SLC9A9: variants seen among roughly 807,000 people sequenced by gnomAD.
SLC9A9 encodes sodium/hydrogen exchanger 9.
A neutral mutation model predicts 77.8 loss-of-function variants in SLC9A9; 62 were observed. That is an observed-to-expected ratio of 0.80 (90% CI 0.65 to 0.98). The LOEUF is 0.98. Among genes scored for constraint, SLC9A9 ranks in the 50% least tolerant of loss-of-function variants. The probability of loss-of-function intolerance (pLI) is 0.00; values close to 1 mark genes in which losing one functional copy is unlikely to be tolerated. For synonymous variants in SLC9A9, 320 were observed against 283.5 expected, an observed-to-expected ratio of 1.13 and a Z score of -1.29; for missense variants, 775 against 774.9, an observed-to-expected ratio of 1.00 and a Z score of 0.00.
intron 12 of SLC9A9, among the ~76,000 whole-genome samples, chr3:143,446,671 C>A (rs2034849196): frequency 6.6e-6 from 1 of 152,246 alleles, no homozygotes; most frequent in African/African-American, 2.4e-5. Flanking sequence ...GGGGTGTGAT[C>A]TATCAGGATG....
chr3:143,415,780 T>A (rs1311903194), intron 12 of SLC9A9, among the ~76,000 whole-genome samples: 1 of 152,362 alleles, frequency 6.6e-6, no homozygotes, highest in Admixed American at 6.5e-5. Flanking sequence ...TTCATAAGGC[T>A]ATAGCTGCCA....
intron 4 of SLC9A9, among the ~76,000 whole-genome samples, chr3:143,705,039 C>CTATCTATCTATCTATA (rs1327278120): frequency 1.3e-4 from 4 of 31,084 alleles, no homozygotes; most frequent in African/African-American, 4.3e-4. Context: ...ATCTATCTAT[C>CTATCTATCTATCTATA]TATATAGATA....
intron 14 of SLC9A9, among the ~76,000 whole-genome samples, chr3:143,287,339 A>G (rs1938408063): frequency 6.6e-6 from 1 of 152,186 alleles, no homozygotes; most frequent in African/African-American, 2.4e-5. Context: ...GATTTATTTG[A>G]TGACTCGAAA....
At chr3:143,541,541 T>G (rs180767123) in intron 9 of SLC9A9, among the ~76,000 whole-genome samples, 3 of 152,260 alleles carry the variant, frequency 2.0e-5, no homozygotes, top group African/African-American at 7.2e-5. Flanking sequence ...AATTTGGGAG[T>G]AATTTGTTAC....
chr3:143,829,369 C>A (rs190924235), intron 2 of SLC9A9, among the ~76,000 whole-genome samples: 1 of 152,056 alleles, frequency 6.6e-6, no homozygotes, highest in Admixed American at 6.6e-5. Context: ...TTCATGAAGC[C>A]CTCTTCAATT....
chr3:143,605,442 C>A (rs2037905267), intron 6 of SLC9A9, among the ~76,000 whole-genome samples: 1 of 152,250 alleles, frequency 6.6e-6, no homozygotes, highest in Non-Finnish European at 1.5e-5. Context: ...GCTATTCCCA[C>A]ACACTGGCAC....
intron 14 of SLC9A9, among the ~76,000 whole-genome samples, chr3:143,352,559 G>A (rs1021203555): frequency 2.3e-4 from 31 of 132,928 alleles, no homozygotes; most frequent in Admixed American, 2.0e-3. Context: ...TGAAATACTA[G>A]AAGACAAGCT....
chr3:143,826,314 C>T (rs1203454719), intron 2 of SLC9A9, among the ~76,000 whole-genome samples: 1 of 151,416 alleles, frequency 6.6e-6, no homozygotes, highest in Non-Finnish European at 1.5e-5. Context: ...TACAAATCAA[C>T]TCCTTCTTCT....
At chr3:143,607,846 A>G (rs2037953555) in intron 6 of SLC9A9, among the ~76,000 whole-genome samples, 1 of 151,804 alleles carries the variant, frequency 6.6e-6, no homozygotes, top group African/African-American at 2.4e-5. Context: ...AATGTTTGGC[A>G]TGTGATTTAT....
At chr3:143,402,617 T>G (rs182101782) in intron 12 of SLC9A9, among the ~76,000 whole-genome samples, 57 of 152,192 alleles carry the variant, frequency 3.7e-4, no homozygotes, top group African/African-American at 1.2e-3. Context: ...AAAGTGTTCC[T>G]TTTCATCTCT....
At chr3:143,642,207 C>T (rs570360863) in intron 6 of SLC9A9, among the ~76,000 whole-genome samples, 1 of 152,324 alleles carries the variant, frequency 6.6e-6, no homozygotes, top group South Asian at 2.1e-4. Flanking sequence ...AGCAGCTAAG[C>T]AGCTATTGTT....
intron 6 of SLC9A9, among the ~76,000 whole-genome samples, chr3:143,591,002 T>C (rs1053764584): frequency 6.6e-6 from 1 of 152,206 alleles, no homozygotes; most frequent in Non-Finnish European, 1.5e-5. Context: ...GGAGTCTTCA[T>C]AGACAATGGG....
chr3:143,328,593 C>G (rs373707688), intron 14 of SLC9A9, among the ~76,000 whole-genome samples: 3 of 152,192 alleles, frequency 2.0e-5, no homozygotes, highest in African/African-American at 7.2e-5. Context: ...GCAATGCCAT[C>G]CCCTTTATCA....
chr3:143,797,056 A>G (rs2008404925), intron 2 of SLC9A9, 153 bp from the exon 3 acceptor site: 3 of 607,628 alleles, frequency 4.9e-6, no homozygotes, highest in African/African-American at 1.9e-5. Flanking sequence ...AAAAAATGAA[A>G]ATTTGGAAAT....
At position 143,540,562 on chromosome 3, in the gene SLC9A9, C is replaced by T. The variant is rs952015160; in HGVS notation, c.1089+11800G>A. ...ATGGATTAGTGATAAAAGGATAAAA[C>T]AATAGAATGCATAAATAAATTGAAA... On this transcript the variant is annotated intron_variant, in intron 9 of 15. Coordinates refer to ENST00000316549, the MANE Select transcript of SLC9A9 (RefSeq NM_173653.4). Among the ~76,000 whole-genome samples the T allele has an allele frequency of 3.3e-5, 5 of 151,996 alleles. No individual in the cohort carries two copies. The East Asian group carries it at 7.7e-4, about 23-fold the overall frequency.
At chr3:143,612,574 G>C (rs1454717811) in intron 6 of SLC9A9, among the ~76,000 whole-genome samples, 6 of 152,326 alleles carry the variant, frequency 3.9e-5, no homozygotes, top group Non-Finnish European at 8.8e-5. Context: ...CTTCTCTGAA[G>C]TGATTTCAAG....
intron 9 of SLC9A9, among the ~76,000 whole-genome samples, chr3:143,526,098 A>G (rs1007671552): frequency 6.6e-6 from 1 of 152,350 alleles, no homozygotes; most frequent in East Asian, 1.9e-4. Flanking sequence ...TAACTAAATC[A>G]AAGCCATCAT....
At chr3:143,384,864 A>G (rs2033387412) in intron 12 of SLC9A9, among the ~76,000 whole-genome samples, 1 of 152,250 alleles carries the variant, frequency 6.6e-6, no homozygotes, top group Non-Finnish European at 1.5e-5. Flanking sequence ...GGGAGGTTCA[A>G]TGAGGATAAT....
chr3:143,814,639 G>T (rs1353958838), intron 2 of SLC9A9, among the ~76,000 whole-genome samples: 2 of 152,128 alleles, frequency 1.3e-5, no homozygotes, highest in Non-Finnish European at 2.9e-5. Context: ...TTGCATTTGA[G>T]ACATAATTTT....
Sources: gnomAD v4.1 joint callset for allele counts (sites outside exome capture counted in the v4.1 genomes callset) on GRCh38, gnomAD v4.1.1 for gene constraint, MANE v1.5 for transcripts, NCBI Gene and HGNC (gene_info 2026-07-23, HGNC 2026-07-21) for gene names.